DNAH3: variants seen among roughly 807,000 people sequenced by gnomAD.
DNAH3 encodes the protein dynein axonemal heavy chain 3, also known as axonemal beta dynein heavy chain 3.
In DNAH3, 332 loss-of-function variants were observed where a neutral mutation model predicts 432.5. The observed-to-expected ratio is 0.77, with a 90% CI of 0.70 to 0.84. DNAH3 has a LOEUF of 0.84. Among genes scored for constraint, DNAH3 ranks in the 40% least tolerant of loss-of-function variants. The pLI is 0.00. For missense variants in DNAH3, 4,861 were observed against 5,114.0 expected (o/e 0.95, Z 1.51); for synonymous variants, 1,956 against 1,900.2 (o/e 1.03, Z -0.76).
At chr16:21,118,334 C>T (rs2092256008) in intron 11 of DNAH3, among the ~76,000 whole-genome samples, 1 of 152,222 alleles carries the variant, frequency 6.6e-6, no homozygotes, top group African/African-American at 2.4e-5. Flanking sequence ...AAGAGATGTA[C>T]TAGATTCTCC....
intron 31 of DNAH3, among the ~76,000 whole-genome samples, chr16:21,046,736 T>C (rs1001828946): frequency 2.6e-5 from 4 of 152,284 alleles, no homozygotes; most frequent in Middle Eastern, 3.4e-3. Flanking sequence ...AGCTGGTTAT[T>C]TTGCTCGTTA....
intron 20 of DNAH3, among the ~76,000 whole-genome samples, chr16:21,077,784 T>C (rs1367612080): frequency 6.6e-6 from 1 of 152,080 alleles, no homozygotes; most frequent in East Asian, 1.9e-4. Flanking sequence ...CATCCTTGAG[T>C]GTAGAAGAGA....
intron 36 of DNAH3, 58 bp downstream of exon 36, chr16:21,033,916 G>T (rs1345783182): frequency 7.1e-6 from 9 of 1,259,026 alleles, no homozygotes; most frequent in Non-Finnish European, 1.0e-5. Context: ...TCTCCATGGA[G>T]CCAGCCAACT....
exon 55 of DNAH3, chr16:20,955,028 T>G: frequency 6.2e-7 from 1 of 1,611,962 alleles, no homozygotes; most frequent in Non-Finnish European, 8.5e-7. Flanking sequence ...GACTGGAAAC[T>G]TCTCTGATGG....
intron 58 of DNAH3, among the ~76,000 whole-genome samples, chr16:20,943,406 T>G (rs548544886): frequency 6.6e-6 from 1 of 152,052 alleles, no homozygotes; most frequent in South Asian, 2.1e-4. Context: ...AATTTTTTTG[T>G]AGTGATGCGG....
At chr16:20,935,198 G>T in intron 61 of DNAH3, 150 bp downstream of exon 61, 1 of 848,036 alleles carries the variant, frequency 1.2e-6, no homozygotes, top group Non-Finnish European at 1.8e-6. Context: ...AGCTTTTAGA[G>T]CTACTGTAAA....
rs370350008 is a variant in DNAH3 at position 20,953,581 on chromosome 16, CT to C, written c.11072-1033del. On this transcript the variant is annotated intron_variant, in intron 55 of 61. Coordinates refer to ENST00000261383, the Ensembl canonical transcript of DNAH3. ...AGTTGCAAGCCAAACATTTGCATGG[CT>C]TTTTTTTTTTGAGAGACTGGATCTC... 5.3e-3 allele frequency among the ~76,000 whole-genome samples: 772 copies of C among 145,372 alleles called. 5 individuals carry two copies. Among genetic ancestry groups the C allele is most frequent in the Admixed American group, 0.015 (223 of 14,526 alleles).
intron 37 of DNAH3, among the ~76,000 whole-genome samples, chr16:21,027,980 T>A (rs2088658854): frequency 1.3e-5 from 2 of 152,166 alleles, no homozygotes; most frequent in South Asian, 4.1e-4. Context: ...CATAAATTCT[T>A]TTTATTTTTA....
chr16:20,955,852 C>T (rs2084538887), intron 54 of DNAH3, among the ~76,000 whole-genome samples: 1 of 151,986 alleles, frequency 6.6e-6, no homozygotes, highest in South Asian at 2.1e-4. Flanking sequence ...ATAATTTTAC[C>T]ACCTATAGGT....
chr16:21,139,059 A>C (rs1045198816), intron 5 of DNAH3, among the ~76,000 whole-genome samples: 5 of 152,038 alleles, frequency 3.3e-5, no homozygotes, highest in Non-Finnish European at 5.9e-5. Context: ...TTTATTATAC[A>C]CCCTAAACCC....
chr16:21,061,099 A>G (rs1478124362), intron 25 of DNAH3, among the ~76,000 whole-genome samples: 14 of 151,946 alleles, frequency 9.2e-5, no homozygotes, highest in Admixed American at 9.2e-4. Context: ...TCAGCCTCCC[A>G]AAGTGCTGGG....
intron 10 of DNAH3, chr16:21,121,001 A>C (rs1488323025): frequency 4.2e-6 from 3 of 719,880 alleles, no homozygotes; most frequent in Non-Finnish European, 7.6e-6. Flanking sequence ...TAAGTACCAG[A>C]TTGCAAAGAG....
chr16:21,055,361 TTTC>T (rs1196870440), intron 27 of DNAH3, among the ~76,000 whole-genome samples: 1 of 152,160 alleles, frequency 6.6e-6, no homozygotes, highest in East Asian at 1.9e-4. Context: ...CGGCCTGTCA[TTTC>T]TTTTTCAAGA....
chr16:20,964,730 G>T (rs201833802), exon 53 of DNAH3: 1 of 1,614,120 alleles, frequency 6.2e-7, no homozygotes, highest in Non-Finnish European at 8.5e-7. Flanking sequence ...TGCCAGGCAC[G>T]GATTTTTATG....
intron 18 of DNAH3, among the ~76,000 whole-genome samples, chr16:21,094,090 T>G (rs1335116493): frequency 6.6e-6 from 1 of 152,140 alleles, no homozygotes; most frequent in African/African-American, 2.4e-5. Flanking sequence ...CCTTTTTCTC[T>G]GTGAAAGACA....
intron 3 of DNAH3, among the ~76,000 whole-genome samples, chr16:21,144,222 G>T (rs8058582): frequency 0.45 from 68,615 of 151,800 alleles, 15,813 homozygotes; most frequent in East Asian, 0.69. Context: ...CTTGAGTATG[G>T]GCTAGAACTA....
chr16:20,997,165 T>C, intron 44 of DNAH3, 118 bp downstream of exon 44: 1 of 940,074 alleles, frequency 1.1e-6, no homozygotes, highest in Non-Finnish European at 1.6e-6. Context: ...TTCTGCTCCA[T>C]GCTCCTGCCA....
intron 1 of DNAH3, among the ~76,000 whole-genome samples, chr16:21,149,897 G>T (rs1567879496): frequency 6.6e-6 from 1 of 152,060 alleles, no homozygotes. Flanking sequence ...CATGCCAATT[G>T]GCCCTCTTCC....
chr16:21,061,196 C>A (rs181073637), intron 25 of DNAH3, among the ~76,000 whole-genome samples: 55 of 148,250 alleles, frequency 3.7e-4, no homozygotes, highest in Admixed American at 6.8e-4. Flanking sequence ...TTTCTGTATT[C>A]TCAGAAGCAT....
Sources: allele counts gnomAD v4.1 joint callset (sites outside exome capture counted in the v4.1 genomes callset), GRCh38; gene constraint gnomAD v4.1.1; transcripts MANE v1.5; gene names NCBI Gene and HGNC (gene_info 2026-07-23, HGNC 2026-07-21).